The following TARS3 variants were observed in gnomAD, a reference collection of about 807,000 sequenced individuals.
The protein encoded by TARS3 is threonyl-tRNA synthetase 3.
A neutral mutation model predicts 103.5 loss-of-function variants in TARS3; 94 were observed. That is an observed-to-expected ratio of 0.91 (90% CI 0.77 to 1.08). The LOEUF (loss-of-function observed/expected upper bound fraction) is 1.08. TARS3 is among the 50% of genes least tolerant of loss of function. The probability of loss-of-function intolerance (pLI) is 0.00; values close to 1 mark genes in which losing one functional copy is unlikely to be tolerated. For missense variants in TARS3, 952 were observed against 995.2 expected, an observed-to-expected ratio of 0.96 and a Z score of 0.58; for synonymous variants, 416 against 355.4, an observed-to-expected ratio of 1.17 and a Z score of -1.92.
intron 18 of TARS3, among the ~76,000 whole-genome samples, chr15:101,654,939 A>G (rs1303722030): frequency 6.6e-6 from 1 of 152,268 alleles, no homozygotes; most frequent in Non-Finnish European, 1.5e-5. Flanking sequence ...CTGAGAGAAC[A>G]GCTCTTGTGG....
rs527377607 is a variant in TARS3, at chr15:101,685,752, G to A, written c.1487+144C>T. On this transcript the variant is annotated intron_variant, in intron 11 of 18. Transcript: ENST00000335968. ...ATTTTCAAAAGTAAATCCATTCTCC[G>A]GAATGAAACAACTTAGTAAAAATTA... 3.8e-4 allele frequency: 221 copies of A among 584,098 alleles called. 2 individuals carry two copies. In the South Asian group the frequency reaches 4.6e-3, roughly 12 times the overall value. The allele number at this position is 584,098 out of a possible 1,614,324, so 36.2% of individuals were successfully genotyped here. A position where few individuals can be genotyped will look rare whatever the true frequency, so the allele number is the denominator to read the frequency against.
intron 5 of TARS3, among the ~76,000 whole-genome samples, chr15:101,710,914 T>C (rs1899833067): frequency 6.6e-6 from 1 of 151,842 alleles, no homozygotes; most frequent in African/African-American, 2.4e-5. Context: ...AGGGAGGAAG[T>C]AGAAGGATCA....
Position 101,724,081 on chromosome 15 carries a change from G to T in TARS3, c.297+10C>A, listed in dbSNP as rs756071492. The T allele has an allele frequency of 1.5e-6, 2 of 1,355,108 alleles. No homozygotes were observed. Among genetic ancestry groups the T allele is most frequent in the Non-Finnish European group, 1.9e-6 (2 of 1,056,164 alleles). 83.9% of individuals were successfully genotyped at this position (1,355,108 alleles called of 1,614,324 possible). On this transcript the variant is annotated intron_variant, in intron 1 of 18. Coordinates refer to ENST00000335968, the MANE Select transcript of TARS3 (RefSeq NM_152334.3). ...CCGCGTCCTCTCCAGTGTCCCCACC[G>T]CCCGGTTACCTGTGCGCCGGCCTCC...
chr15:101,723,007 T>G, intron 2 of TARS3, 86 bp downstream of exon 2: 1 of 1,255,152 alleles, frequency 8.0e-7, no homozygotes, highest in Non-Finnish European at 1.1e-6. Flanking sequence ...TCAGTAATTT[T>G]TATTGGAAAT....
Position 101,710,457 on chromosome 15 carries a change from G to A in TARS3, c.812+1423C>T, listed in dbSNP as rs113402322. Among the ~76,000 whole-genome samples the A allele has an allele frequency of 1.9e-3, 296 of 152,270 alleles. 3 individuals carry two copies. The highest frequency in any genetic ancestry group is 6.7e-3 in the African/African-American group (280 of 41,544). ...AGACTTCCAGCTGGCATCTGAATTGGGGCCAGTCTTGTGGGACTGAGCCCT... is the reference window on the plus strand; with the variant it reads ...AGACTTCCAGCTGGCATCTGAATTGAGGCCAGTCTTGTGGGACTGAGCCCT... On this transcript the variant is annotated intron_variant, in intron 5 of 18. Transcript: ENST00000335968.
Position 101,661,817 on chromosome 15 carries a change from C to T in TARS3, c.1968-1G>A. On this transcript the variant is annotated splice_acceptor_variant, in intron 15 of 18. Transcript: ENST00000335968. LOFTEE classifies it high-confidence loss of function. ...TCTCTTCTTATCATCCCCATCCTTA[C>T]TAAAAAATGAAAATTATACATTTAA... The T allele has an allele frequency of 1.9e-6, 3 of 1,556,516 alleles. No homozygotes were observed. Among genetic ancestry groups the T allele is most frequent in the Non-Finnish European group, 2.6e-6 (3 of 1,150,260 alleles).
intron 3 of TARS3, among the ~76,000 whole-genome samples, chr15:101,718,365 AC>A (rs1900269914): frequency 6.6e-6 from 1 of 151,686 alleles, no homozygotes; most frequent in African/African-American, 2.4e-5. Flanking sequence ...GTGTTGGTAT[AC>A]CCTGGGTAAC....
chr15:101,654,745 G>A lies in TARS3; in HGVS notation c.2261-15C>T. The A allele has an allele frequency of 6.2e-7, 1 of 1,609,658 alleles. No homozygotes were observed. Among genetic ancestry groups the A allele is most frequent in the Non-Finnish European group, 8.5e-7 (1 of 1,178,402 alleles). ...TTCTCCAACCACTGCAGAAAAGAAAGGTAAAGAAATGTATTTTAAATCAGC... is the reference window on the plus strand; with the variant it reads ...TTCTCCAACCACTGCAGAAAAGAAAAGTAAAGAAATGTATTTTAAATCAGC... On this transcript the variant is annotated splice_polypyrimidine_tract_variant and intron_variant, in intron 18 of 18. Coordinates refer to ENST00000335968, the MANE Select transcript of TARS3 (RefSeq NM_152334.3).
intron 4 of TARS3, among the ~76,000 whole-genome samples, chr15:101,713,204 C>T (rs1313074121): frequency 1.3e-5 from 2 of 152,168 alleles, no homozygotes; most frequent in Non-Finnish European, 2.9e-5. Flanking sequence ...ATGAACAGGG[C>T]TCTGTAATAT....
rs1897987754 is a variant in TARS3 at position 101,675,583 on chromosome 15, C to G, written c.1788+17G>C. The stretch of plus-strand genomic sequence containing the variant: ...ATACGACTAAAATGAAGAGGAAGCA[C>G]AAGGTGTGTCTCTTACCTTCTCAGC... On this transcript the variant is annotated intron_variant, in intron 13 of 18. Coordinates refer to ENST00000335968, the MANE Select transcript of TARS3 (RefSeq NM_152334.3). The G allele has an allele frequency of 6.2e-7, 1 of 1,606,130 alleles. No homozygotes were observed. Among genetic ancestry groups the G allele is most frequent in the Non-Finnish European group, 8.5e-7 (1 of 1,176,940 alleles).
intron 10 of TARS3, among the ~76,000 whole-genome samples, chr15:101,690,546 A>C (rs891572365): frequency 1.3e-5 from 2 of 152,188 alleles, no homozygotes; most frequent in Non-Finnish European, 2.9e-5. Context: ...TTTACCTATA[A>C]AAAGAAAGGA....
intron 16 of TARS3, among the ~76,000 whole-genome samples, chr15:101,661,153 A>AGATGCACCACTCAAAAAGGACCACAG: frequency 6.6e-6 from 1 of 151,920 alleles, no homozygotes; most frequent in African/African-American, 2.4e-5. Flanking sequence ...AAAGACCACA[A>AGATGCACCACTCAAAAAGGACCACAG]GATGCACCAC....
At chr15:101,721,411 G>T in intron 2 of TARS3, 89 bp from the exon 3 acceptor site, 1 of 926,120 alleles carries the variant, frequency 1.1e-6, no homozygotes, top group Non-Finnish European at 1.6e-6. Context: ...CCCCCTTACT[G>T]CCTTCTCAGT....
At chr15:101,690,586 G>A (rs1898673269) in intron 10 of TARS3, among the ~76,000 whole-genome samples, 3 of 152,150 alleles carry the variant, frequency 2.0e-5, no homozygotes, top group African/African-American at 7.2e-5. Context: ...GTCACTTCCA[G>A]TTTTCAATGG....
intron 5 of TARS3, among the ~76,000 whole-genome samples, chr15:101,709,750 G>A (rs1204651642): frequency 6.6e-6 from 1 of 152,238 alleles, no homozygotes; most frequent in Admixed American, 6.5e-5. Context: ...ACCCAGCACA[G>A]AGCACACAGC....
At chr15:101,698,156 G>A (rs1195609288) in intron 10 of TARS3, among the ~76,000 whole-genome samples, 2 of 151,990 alleles carry the variant, frequency 1.3e-5, no homozygotes, top group Non-Finnish European at 2.9e-5. Context: ...CTAACACAGG[G>A]AGACCCTGTC....
chr15:101,689,935 C>A (rs1208590122), intron 10 of TARS3, among the ~76,000 whole-genome samples: 5 of 152,198 alleles, frequency 3.3e-5, no homozygotes, highest in Non-Finnish European at 5.9e-5. Flanking sequence ...TTGGCCCTAG[C>A]GTCCATCTAC....
intron 1 of TARS3, 31 bp downstream of exon 1, chr15:101,724,060 G>C (rs767112801): frequency 8.2e-6 from 11 of 1,336,200 alleles, no homozygotes; most frequent in Middle Eastern, 2.8e-4. Flanking sequence ...CCCCGCCCGC[G>C]TCCTCTCCAG....
At position 101,656,957 on chromosome 15, in the gene TARS3, C is replaced by T. The variant is rs764890224; in HGVS notation, c.2225G>A (p.Arg742Gln). The change falls in exon 18 of 19, where the codon CGA (arginine) becomes CAA (glutamine). Residue 742 changes from arginine to glutamine, a missense_variant. Coordinates refer to ENST00000335968, the MANE Select transcript of TARS3 (RefSeq NM_152334.3). ...DHSCTLNKKIRNAQLAQYNFI... is the reference protein window; with the variant it reads ...DHSCTLNKKIQNAQLAQYNFI... ...ATTATACTGAGCCAGCTGTGCATTT[C>T]GTATTTTCTTATTTAGTGTACAACT... is the stretch of plus-strand genomic sequence containing the variant. 9 of 1,612,956 alleles carry T rather than the reference C, an allele frequency of 5.6e-6. No individual in the cohort carries two copies. The highest frequency in any genetic ancestry group is 7.6e-6 in the Non-Finnish European group (9 of 1,179,288).
Sources: allele counts gnomAD v4.1 joint callset (sites outside exome capture counted in the v4.1 genomes callset), GRCh38; gene constraint gnomAD v4.1.1; transcripts MANE v1.5; gene names NCBI Gene and HGNC (gene_info 2026-07-23, HGNC 2026-07-21).